Variants in RAP1A observed in about 807,000 individuals in gnomAD.
RAP1A encodes RAP1A, member of RAS oncogene family, also known as ras-related protein Rap-1A.
A neutral mutation model predicts 26.4 loss-of-function variants in RAP1A; 6 were observed. That is an observed-to-expected ratio of 0.23 (90% confidence interval 0.12 to 0.45). RAP1A has a LOEUF of 0.45. Ranked by LOEUF, RAP1A falls within the 20% of genes least tolerant of loss-of-function variation. The probability of loss-of-function intolerance (pLI) is 0.99; values close to 1 mark genes in which losing one functional copy is unlikely to be tolerated. For missense variants in RAP1A, 121 were observed against 217.2 expected (o/e 0.56, Z 2.78); for synonymous variants, 73 against 79.4 (o/e 0.92, Z 0.43).
chr1:111,608,996 C>T (rs1202245219), intron 1 of RAP1A, among the ~76,000 whole-genome samples: 1 of 152,166 alleles, frequency 6.6e-6, no homozygotes, highest in Non-Finnish European at 1.5e-5. Context: ...TAAACCTGAG[C>T]GATTTTAAGA....
intron 1 of RAP1A, among the ~76,000 whole-genome samples, chr1:111,669,081 A>G (rs1340525357): frequency 6.6e-6 from 1 of 152,160 alleles, no homozygotes; most frequent in African/African-American, 2.4e-5. Flanking sequence ...AAAAATCTTA[A>G]AAGTCAATGG....
At chr1:111,602,278 A>C (rs1379451828) in intron 1 of RAP1A, 1 of 152,210 alleles carries the variant, frequency 6.6e-6, no homozygotes, top group Non-Finnish European at 1.5e-5. Flanking sequence ...AACAGGAAAG[A>C]AAGAGGATTT....
intron 1 of RAP1A, among the ~76,000 whole-genome samples, chr1:111,667,831 T>A (rs142365211): frequency 1.3e-5 from 2 of 152,268 alleles, no homozygotes; most frequent in East Asian, 3.9e-4. Flanking sequence ...GCTCAGAGGC[T>A]AAAAAGTAAG....
intron 1 of RAP1A, among the ~76,000 whole-genome samples, chr1:111,588,815 T>C (rs1018565564): frequency 6.6e-6 from 1 of 152,214 alleles, no homozygotes; most frequent in Admixed American, 6.5e-5. Flanking sequence ...CACTAGAATA[T>C]ACCCTCCATG....
intron 2 of RAP1A, among the ~76,000 whole-genome samples, chr1:111,695,062 ATATGT>A (rs1457025786): frequency 1.3e-5 from 2 of 152,182 alleles, no homozygotes; most frequent in African/African-American, 4.8e-5. Context: ...ATTAGTTCAG[ATATGT>A]TATTTGTATC....
At chr1:111,662,916 G>C (rs573515745) in intron 1 of RAP1A, among the ~76,000 whole-genome samples, 11 of 152,172 alleles carry the variant, frequency 7.2e-5, no homozygotes, top group Non-Finnish European at 1.6e-4. Context: ...TGGTTTTGTT[G>C]TTGTTGTTGT....
intron 1 of RAP1A, among the ~76,000 whole-genome samples, chr1:111,683,959 C>T (rs114593074): frequency 0.073 from 11,123 of 152,216 alleles, 473 homozygotes; most frequent in African/African-American, 0.13. Context: ...AAACCTTATC[C>T]ACTGCGATCA....
intron 1 of RAP1A, among the ~76,000 whole-genome samples, chr1:111,583,678 C>G (rs17720608): frequency 0.011 from 1,697 of 151,848 alleles, 14 homozygotes; most frequent in Non-Finnish European, 0.019. Context: ...AAAAGCTGAA[C>G]TAAAAAATAG....
At chr1:111,617,583 C>T (rs184731783), upstream of RAP1A, among the ~76,000 whole-genome samples, 1,411 of 152,166 alleles carry the variant, frequency 9.3e-3, 19 homozygotes, top group African/African-American at 0.033. Context: ...CAGGCGCCTG[C>T]CACCACGCCT....
At position 111,704,472 on chromosome 1, in the gene RAP1A, A is replaced by G; in HGVS notation, c.454A>G (p.Ile152Val). ...AFLESSAKSK[I>V]NVNEIFYDLV... Reference sequence around the variant, plus strand: ...TTTAGAATCTTCTGCAAAGTCAAAGATCAATGTTAATGAGGTAACCTACAA... The same window carrying G: ...TTTAGAATCTTCTGCAAAGTCAAAGGTCAATGTTAATGAGGTAACCTACAA... The change falls in exon 6 of 8, where the codon ATC becomes GTC. Residue 152 changes from isoleucine (I) to valine (V), a missense_variant. Physicochemically the swap from Ile to Val is conservative, Grantham distance 29. Coordinates refer to ENST00000369709, the MANE Select transcript of RAP1A (RefSeq NM_002884.4). 4 of 1,613,430 alleles carry G rather than the reference A, an allele frequency of 2.5e-6. No homozygotes were observed. Among genetic ancestry groups the G allele is most frequent in the Non-Finnish European group, 2.5e-6 (3 of 1,179,578 alleles).
chr1:111,584,610 A>G (rs539651923), intron 1 of RAP1A, among the ~76,000 whole-genome samples: 1 of 152,314 alleles, frequency 6.6e-6, no homozygotes, highest in African/African-American at 2.4e-5. Context: ...TAACATATGC[A>G]TGTGGGGGGA....
intron 1 of RAP1A, among the ~76,000 whole-genome samples, chr1:111,688,323 C>CTTT (rs755186287): frequency 1.8e-5 from 2 of 108,916 alleles, no homozygotes; most frequent in African/African-American, 4.1e-5. Flanking sequence ...TTCTTTCTTT[C>CTTT]TTTTTTTTTT....
chr1:111,698,275 G>A (rs2473844), intron 4 of RAP1A, among the ~76,000 whole-genome samples: 18,015 of 151,986 alleles, frequency 0.12, 1,406 homozygotes, highest in East Asian at 0.21. Flanking sequence ...GGATGGGTTC[G>A]TTTTTTGTTT....
chr1:111,628,862 T>C (rs1192110544), intron 1 of RAP1A, among the ~76,000 whole-genome samples: 2 of 152,158 alleles, frequency 1.3e-5, no homozygotes, highest in African/African-American at 2.4e-5. Flanking sequence ...TTTTAAAAAT[T>C]GAAGGATAAA....
intron 1 of RAP1A, among the ~76,000 whole-genome samples, chr1:111,679,391 C>T (rs1209827351): frequency 6.6e-6 from 1 of 152,136 alleles, no homozygotes; most frequent in East Asian, 1.9e-4. Context: ...GTTTTTGCAA[C>T]CCGCAGACCA....
At chr1:111,621,372 T>A (rs1239518380) in intron 1 of RAP1A, among the ~76,000 whole-genome samples, 8 of 152,200 alleles carry the variant, frequency 5.3e-5, no homozygotes, top group Non-Finnish European at 1.2e-4. Flanking sequence ...CCAGACTTTC[T>A]GTCTTTATTA....
intron 1 of RAP1A, among the ~76,000 whole-genome samples, chr1:111,606,383 TAAG>T (rs879427034): frequency 2.0e-5 from 3 of 152,344 alleles, no homozygotes; most frequent in East Asian, 1.9e-4. Flanking sequence ...GAACCTTTTA[TAAG>T]AAGAAGGTAG....
chr1:111,610,953 G>A (rs1272403274), intron 1 of RAP1A, among the ~76,000 whole-genome samples: 1 of 95,758 alleles, frequency 1.0e-5, no homozygotes, highest in Non-Finnish European at 2.2e-5. Flanking sequence ...TGTACTGAAT[G>A]GAAGAAACAT....
chr1:111,673,225 T>C (rs943916758), intron 1 of RAP1A, among the ~76,000 whole-genome samples: 5 of 152,336 alleles, frequency 3.3e-5, no homozygotes, highest in African/African-American at 9.6e-5. Context: ...CAGCATGTTG[T>C]GGTGAGTTGC....
Sources: gnomAD v4.1 joint callset for allele counts (sites outside exome capture counted in the v4.1 genomes callset) on GRCh38, gnomAD v4.1.1 for gene constraint, MANE v1.5 for transcripts, NCBI Gene and HGNC (gene_info 2026-07-23, HGNC 2026-07-21) for gene names.